The following PALM2AKAP2 variants were observed in gnomAD, a reference collection of about 807,000 sequenced individuals.
PALM2AKAP2 encodes PALM2-AKAP2 fusion protein.
PALM2AKAP2 carries 37 observed loss-of-function variants against 71.5 expected under a neutral mutation model. That is an observed-to-expected ratio of 0.52 (90% CI 0.40 to 0.68). The LOEUF (loss-of-function observed/expected upper bound fraction) is 0.68. PALM2AKAP2 is among the 30% of genes least tolerant of loss of function. The pLI is 0.00. For missense variants in PALM2AKAP2, 1,224 were observed against 1,191.8 expected (o/e 1.03, Z -0.40); for synonymous variants, 468 against 478.8 (o/e 0.98, Z 0.29).
At chr9:109,813,354 G>A (rs1404827721) in intron 1 of PALM2AKAP2, among the ~76,000 whole-genome samples, 1 of 152,180 alleles carries the variant, frequency 6.6e-6, no homozygotes, top group African/African-American at 2.4e-5. Flanking sequence ...CTGATGAGAT[G>A]TCTAAATCAC....
chr9:109,918,260 AG>A (rs968129411), intron 3 of PALM2AKAP2, among the ~76,000 whole-genome samples: 1 of 152,218 alleles, frequency 6.6e-6, no homozygotes, highest in Non-Finnish European at 1.5e-5. Flanking sequence ...TTGAAATAAG[AG>A]CATGATCGAT....
chr9:109,928,959 G>A (rs567761857), intron 5 of PALM2AKAP2, among the ~76,000 whole-genome samples: 60 of 152,092 alleles, frequency 3.9e-4, no homozygotes, highest in African/African-American at 1.1e-3. Flanking sequence ...GAGCTACTGC[G>A]CCCAGCCCAT....
chr9:109,829,103 T>C (rs1828229059), intron 1 of PALM2AKAP2, among the ~76,000 whole-genome samples: 1 of 152,260 alleles, frequency 6.6e-6, no homozygotes, highest in Non-Finnish European at 1.5e-5. Context: ...ACAGAGGAAA[T>C]ATTGTTTACT....
chr9:109,912,033 A>G (rs1214775891), intron 3 of PALM2AKAP2, among the ~76,000 whole-genome samples: 1 of 152,166 alleles, frequency 6.6e-6, no homozygotes, highest in Non-Finnish European at 1.5e-5. Flanking sequence ...GGCTTTTATT[A>G]TGATATCTGT....
intron 1 of PALM2AKAP2, among the ~76,000 whole-genome samples, chr9:109,773,645 C>A (rs1210125760): frequency 2.0e-5 from 3 of 152,186 alleles, no homozygotes; most frequent in Non-Finnish European, 4.4e-5. Flanking sequence ...AACCTATTCC[C>A]ATTTTACAAA....
At chr9:109,815,473 C>T (rs1827829765) in intron 1 of PALM2AKAP2, among the ~76,000 whole-genome samples, 1 of 152,096 alleles carries the variant, frequency 6.6e-6, no homozygotes, top group Non-Finnish European at 1.5e-5. Flanking sequence ...AATATAAGGT[C>T]AACCTGGTGA....
chr9:110,064,884 A>T (rs1588086879), intron 1 of PALM2AKAP2, among the ~76,000 whole-genome samples: 1 of 152,174 alleles, frequency 6.6e-6, no homozygotes, highest in East Asian at 1.9e-4. Context: ...CCTCCACAGG[A>T]CCAGCCTATG....
chr9:109,717,254 C>T (rs1828338758), intron 1 of PALM2AKAP2, among the ~76,000 whole-genome samples: 1 of 152,152 alleles, frequency 6.6e-6, no homozygotes, highest in Non-Finnish European at 1.5e-5. Flanking sequence ...TCTAAGGATC[C>T]TTCTAGGGAA....
chr9:110,024,167 A>G (rs1253787704), intron 7 of PALM2AKAP2, among the ~76,000 whole-genome samples: 1 of 152,162 alleles, frequency 6.6e-6, no homozygotes, highest in Non-Finnish European at 1.5e-5. Context: ...TGATTCAATA[A>G]TGTTTCATAA....
intron 6 of PALM2AKAP2, among the ~76,000 whole-genome samples, chr9:109,950,530 CAG>C (rs1831612442): frequency 6.6e-6 from 1 of 152,134 alleles, no homozygotes; most frequent in African/African-American, 2.4e-5. Flanking sequence ...GTCTGGCTAA[CAG>C]AGTTGTCATG....
chr9:109,642,028 C>A (rs990768439), intron 1 of PALM2AKAP2, among the ~76,000 whole-genome samples: 5 of 152,154 alleles, frequency 3.3e-5, no homozygotes, highest in African/African-American at 1.2e-4. Flanking sequence ...TGTCTCTGAG[C>A]CTCAGTTTCC....
Position 110,025,080 on chromosome 9 carries a change from C to A in PALM2AKAP2, c.582+9041C>A, listed in dbSNP as rs1336988097. The A allele has an allele frequency of 4.6e-6, 5 of 1,094,262 alleles. No homozygotes were observed. The East Asian group carries it at 9.4e-5, about 21-fold the overall frequency. The allele number at this position is 1,094,262 out of a possible 1,614,324, so 67.8% of individuals were successfully genotyped here. On this transcript the variant is annotated intron_variant, in intron 7 of 9. Coordinates refer to the PALM2AKAP2 transcript ENST00000302798. ...ATCTCGGCTCAGAGTGCTTAATGTG[C>A]TCAATATGCACATTAATTCTCTTGG...
At chr9:109,856,162 C>A (rs1331527626) in intron 1 of PALM2AKAP2, among the ~76,000 whole-genome samples, 3 of 152,134 alleles carry the variant, frequency 2.0e-5, no homozygotes, top group African/African-American at 7.2e-5. Context: ...GTGTTCAAAT[C>A]CTTGACTTAG....
chr9:110,013,161 G>C (rs577532108), intron 6 of PALM2AKAP2, among the ~76,000 whole-genome samples: 1 of 152,164 alleles, frequency 6.6e-6, no homozygotes, highest in Non-Finnish European at 1.5e-5. Flanking sequence ...GCTGACTGGG[G>C]CTTGTCCTTC....
chr9:109,910,147 A>G (rs558531415), intron 3 of PALM2AKAP2, among the ~76,000 whole-genome samples: 58 of 152,348 alleles, frequency 3.8e-4, no homozygotes, highest in African/African-American at 1.4e-3. Flanking sequence ...GACTAATAAG[A>G]TACATGTACG....
chr9:109,889,561 C>G (rs1054426039), intron 3 of PALM2AKAP2, among the ~76,000 whole-genome samples: 6 of 152,170 alleles, frequency 3.9e-5, no homozygotes, highest in Admixed American at 2.6e-4. Context: ...ACAGAAAAAG[C>G]CCTCTTCACT....
At chr9:110,055,994 A>C (rs563904287) in intron 1 of PALM2AKAP2, among the ~76,000 whole-genome samples, 1 of 152,284 alleles carries the variant, frequency 6.6e-6, no homozygotes, top group East Asian at 1.9e-4. Flanking sequence ...GGACTGAGCT[A>C]GACTTTTTCA....
chr9:109,699,347 A>T (rs1284797081), intron 1 of PALM2AKAP2, among the ~76,000 whole-genome samples: 1 of 152,256 alleles, frequency 6.6e-6, no homozygotes, highest in East Asian at 1.9e-4. Context: ...CAAAAGCTTG[A>T]AACTAGTTCT....
chr9:109,716,498 A>C (rs1376418982), intron 1 of PALM2AKAP2, among the ~76,000 whole-genome samples: 1 of 152,234 alleles, frequency 6.6e-6, no homozygotes, highest in Admixed American at 6.5e-5. Flanking sequence ...GGCTATACTT[A>C]TACTGCTGTT....
Sources: allele counts gnomAD v4.1 joint callset (sites outside exome capture counted in the v4.1 genomes callset), GRCh38; gene constraint gnomAD v4.1.1; transcripts MANE v1.5; gene names NCBI Gene and HGNC (gene_info 2026-07-23, HGNC 2026-07-21).